Variants in CPNE8 observed in about 807,000 individuals in gnomAD.
CPNE8 encodes the protein copine 8.
CPNE8 carries 45 observed loss-of-function variants against 81.5 expected under a neutral mutation model. The ratio of observed to expected loss-of-function variants is 0.55; its 90% CI spans 0.44 to 0.71. The LOEUF (loss-of-function observed/expected upper bound fraction) is 0.71. CPNE8 is among the 30% of genes least tolerant of loss of function. The probability of loss-of-function intolerance (pLI) is 0.00; values close to 1 mark genes in which losing one functional copy is unlikely to be tolerated. For missense variants in CPNE8, 594 were observed against 672.1 expected (o/e 0.88, Z 1.28); for synonymous variants, 252 against 226.3 (o/e 1.11, Z -1.02).
intron 13 of CPNE8, among the ~76,000 whole-genome samples, chr12:38,713,490 C>T (rs949542782): frequency 1.3e-5 from 2 of 152,026 alleles, no homozygotes; most frequent in African/African-American, 2.4e-5. Flanking sequence ...CTGTGTGACT[C>T]GTGGAGAGAG....
chr12:38,715,554 C>G (rs1043342721), intron 13 of CPNE8, among the ~76,000 whole-genome samples: 10 of 151,926 alleles, frequency 6.6e-5, no homozygotes, highest in African/African-American at 2.4e-4. Flanking sequence ...ACGATCATCT[C>G]AATAGATGCA....
At chr12:38,746,054 G>C (rs140557916) in intron 10 of CPNE8, among the ~76,000 whole-genome samples, 4 of 152,016 alleles carry the variant, frequency 2.6e-5, no homozygotes, top group Non-Finnish European at 5.9e-5. Context: ...TTAAGTGGCC[G>C]CAATATGTAT....
chr12:38,877,605 A>G (rs1042027455), intron 1 of CPNE8, among the ~76,000 whole-genome samples: 25 of 152,184 alleles, frequency 1.6e-4, no homozygotes, highest in Non-Finnish European at 4.4e-5. Context: ...TACAAGTTAG[A>G]AAAATTATCT....
chr12:38,807,013 A>G (rs1302600724), intron 6 of CPNE8, among the ~76,000 whole-genome samples: 5 of 152,050 alleles, frequency 3.3e-5, no homozygotes, highest in Non-Finnish European at 7.4e-5. Context: ...TGCTTCAAAG[A>G]GAATAAAATA....
intron 1 of CPNE8, among the ~76,000 whole-genome samples, chr12:38,877,905 A>G (rs1438466052): frequency 1.3e-5 from 2 of 152,188 alleles, no homozygotes; most frequent in African/African-American, 4.8e-5. Flanking sequence ...TCACAGTATA[A>G]GGAGACTGGC....
In CPNE8 at chr12:38,690,575, G is replaced by A. The variant is rs76394539; in HGVS notation, c.1143+3082C>T. Among the ~76,000 whole-genome samples, 798 of 152,180 alleles carry A rather than the reference G, an allele frequency of 5.2e-3. 5 individuals are homozygous for A. The highest frequency in any genetic ancestry group is 0.018 in the African/African-American group (756 of 41,520). ...GAATTGGGCTCAAAGAACAGACTAT[G>A]GTGTAAATAACCAAAAATATATATC... On this transcript the variant is annotated intron_variant, in intron 15 of 19. Transcript: ENST00000331366.
chr12:38,904,891 ATC>A (rs888118269), intron 1 of CPNE8, among the ~76,000 whole-genome samples: 1 of 152,150 alleles, frequency 6.6e-6, no homozygotes, highest in Non-Finnish European at 1.5e-5. Flanking sequence ...GAGGGCCGAA[ATC>A]TCTACCTATC....
chr12:38,767,774 G>A, intron 7 of CPNE8, 36 bp from the exon 8 acceptor site: 2 of 1,330,046 alleles, frequency 1.5e-6, no homozygotes, highest in Non-Finnish European at 2.0e-6. Flanking sequence ...TCAAGATTTG[G>A]GCTATAAATA....
intron 3 of CPNE8, among the ~76,000 whole-genome samples, chr12:38,854,463 A>G (rs1339787801): frequency 6.6e-6 from 1 of 151,818 alleles, no homozygotes; most frequent in Non-Finnish European, 1.5e-5. Flanking sequence ...AGACAAAAAC[A>G]TTATAAGAAA....
At chr12:38,690,921 T>C (rs1011261646) in intron 15 of CPNE8, among the ~76,000 whole-genome samples, 1 of 152,128 alleles carries the variant, frequency 6.6e-6, no homozygotes, top group Non-Finnish European at 1.5e-5. Flanking sequence ...CAGATACTCA[T>C]TTTTATGACA....
At chr12:38,666,177 A>G (rs1218921711) in intron 19 of CPNE8, among the ~76,000 whole-genome samples, 1 of 152,198 alleles carries the variant, frequency 6.6e-6, no homozygotes, top group East Asian at 1.9e-4. Flanking sequence ...CTTGAACTCA[A>G]ATGGATCTGA....
intron 19 of CPNE8, among the ~76,000 whole-genome samples, chr12:38,655,460 A>G (rs1191362636): frequency 1.3e-5 from 2 of 152,188 alleles, no homozygotes; most frequent in Non-Finnish European, 2.9e-5. Context: ...GAGAAAAGGC[A>G]AAGTGAAGAC....
rs1009339186 is a variant in CPNE8, at chr12:38,653,536, T to C, written c.*346A>G. ...TACAGAGACTGCTTTCCTATACACATAGCAGTCGAAGACAATATTTGAGTT... is the reference window on the plus strand; with the variant it reads ...TACAGAGACTGCTTTCCTATACACACAGCAGTCGAAGACAATATTTGAGTT... On this transcript the variant is annotated 3_prime_UTR_variant, in exon 20 of 20. Coordinates refer to ENST00000331366, the MANE Select transcript of CPNE8 (RefSeq NM_153634.3). 2 of 190,112 alleles carry C rather than the reference T, an allele frequency of 1.1e-5. No individual in the cohort carries two copies. The highest frequency in any genetic ancestry group is 2.4e-5 in the African/African-American group (1 of 41,978). The allele number at this position is 190,112 out of a possible 1,614,324, so 11.8% of individuals were successfully genotyped here.
intron 10 of CPNE8, among the ~76,000 whole-genome samples, chr12:38,734,054 CAAAT>C (rs1940897843): frequency 6.6e-6 from 1 of 151,886 alleles, no homozygotes; most frequent in African/African-American, 2.4e-5. Flanking sequence ...AACAAGCAAA[CAAAT>C]AACCAGTATC....
intron 18 of CPNE8, 188 bp from the exon 19 acceptor site, chr12:38,670,990 A>G: frequency 2.0e-6 from 1 of 501,206 alleles, no homozygotes; most frequent in Non-Finnish European, 3.5e-6. Context: ...TTTACAGACA[A>G]AGAAAGTGAA....
At chr12:38,839,501 A>T (rs573339979) in intron 5 of CPNE8, among the ~76,000 whole-genome samples, 38 of 152,178 alleles carry the variant, frequency 2.5e-4, no homozygotes, top group African/African-American at 9.2e-4. Context: ...GATATTCAGG[A>T]AATATTGGTA....
intron 1 of CPNE8, among the ~76,000 whole-genome samples, chr12:38,900,101 G>A (rs1314216347): frequency 6.6e-6 from 1 of 151,818 alleles, no homozygotes; most frequent in African/African-American, 2.4e-5. Flanking sequence ...TTTAACAACT[G>A]ACTTACAAAT....
chr12:38,677,378 A>T (rs1195421109), intron 17 of CPNE8, 74 bp downstream of exon 17: 1 of 811,732 alleles, frequency 1.2e-6, no homozygotes, highest in Non-Finnish European at 2.2e-6. Context: ...GTTAACTAGA[A>T]TAGACTCTAG....
intron 1 of CPNE8, among the ~76,000 whole-genome samples, chr12:38,880,948 T>C (rs1368153906): frequency 6.6e-6 from 1 of 152,108 alleles, no homozygotes; most frequent in Non-Finnish European, 1.5e-5. Flanking sequence ...CGGTGGCTCA[T>C]GCCTGTAATC....
Sources: allele counts gnomAD v4.1 joint callset (sites outside exome capture counted in the v4.1 genomes callset), GRCh38; gene constraint gnomAD v4.1.1; transcripts MANE v1.5; gene names NCBI Gene and HGNC (gene_info 2026-07-23, HGNC 2026-07-21).